Variants in CIB1 observed in about 807,000 individuals in gnomAD.
CIB1 encodes the protein calcium and integrin binding 1.
In CIB1, 19 loss-of-function variants were observed where a neutral mutation model predicts 25.0. The ratio of observed to expected loss-of-function variants is 0.76; its 90% CI spans 0.53 to 1.12. The LOEUF (loss-of-function observed/expected upper bound fraction) is 1.12, where lower values mean the gene tolerates loss of function less well. Ranked by LOEUF, CIB1 falls within the 50% of genes most tolerant of loss-of-function variation. CIB1 has a pLI of 0.00. For missense variants in CIB1, 236 were observed against 242.6 expected, an observed-to-expected ratio of 0.97 and a Z score of 0.18; for synonymous variants, 104 against 98.5, an observed-to-expected ratio of 1.06 and a Z score of -0.33.
At chr15:90,233,565 T>G (rs1962557315) in intron 2 of CIB1, 104 bp downstream of exon 2, 1 of 1,407,550 alleles carries the variant, frequency 7.1e-7, no homozygotes, top group South Asian at 1.2e-5. Flanking sequence ...CTCCCGCTCC[T>G]CTGCAGACCT....
chr15:90,263,934 G>T, the CIB1 span: 1 of 1,512,146 alleles, frequency 6.6e-7, no homozygotes, highest in South Asian at 1.2e-5. Context: ...ATGTTCCCCG[G>T]TACCATCTGC....
chr15:90,257,264 C>T, the CIB1 span: 17 of 1,612,292 alleles, frequency 1.1e-5, no homozygotes, highest in African/African-American at 1.3e-5. Context: ...CTATATGGAG[C>T]CCAGCCATAA....
At chr15:90,256,043 C>T in the CIB1 span, 1 of 1,553,730 alleles carries the variant, frequency 6.4e-7, no homozygotes, top group Non-Finnish European at 8.8e-7. Flanking sequence ...CTGAGTGCTC[C>T]AGGAAGAGCA....
chr15:90,247,222 C>A, the CIB1 span, among the ~76,000 whole-genome samples: 1 of 151,440 alleles, frequency 6.6e-6, no homozygotes, highest in Non-Finnish European at 1.5e-5. Context: ...GATCCACCTG[C>A]CTCAGCCTCC....
chr15:90,240,112 A>T, the CIB1 span, among the ~76,000 whole-genome samples: 8 of 145,022 alleles, frequency 5.5e-5, no homozygotes, highest in Non-Finnish European at 1.2e-4. Context: ...AATCCCAGCT[A>T]CTTGGGAGGC....
intron 6 of CIB1, 120 bp downstream of exon 6, chr15:90,230,814 G>T: frequency 2.1e-6 from 2 of 941,082 alleles, no homozygotes; most frequent in Non-Finnish European, 3.4e-6. Flanking sequence ...AGCCGGCCCT[G>T]TGTGTGGGGA....
chr15:90,262,398 G>GT, the CIB1 span: 1 of 1,318,920 alleles, frequency 7.6e-7, no homozygotes, highest in Non-Finnish European at 1.0e-6. Flanking sequence ...AGAACAGATT[G>GT]TAATTTCCTG....
the CIB1 span, chr15:90,258,875 C>T: frequency 3.3e-5 from 53 of 1,614,032 alleles, no homozygotes; most frequent in South Asian, 2.0e-4. Flanking sequence ...GGAGGATAAG[C>T]GGCGAGTCAA....
upstream of CIB1, chr15:90,234,044 A>C (rs1765457347): frequency 3.4e-5 from 29 of 851,136 alleles, no homozygotes; most frequent in East Asian, 8.8e-4. Flanking sequence ...AGGCGTTCCC[A>C]GCCGGGTTTG....
chr15:90,256,520 C>CTT, the CIB1 span, among the ~76,000 whole-genome samples: 1 of 152,178 alleles, frequency 6.6e-6, no homozygotes, highest in Non-Finnish European at 1.5e-5. Flanking sequence ...TTCTTACCCT[C>CTT]TCTCTGTGCC....
chr15:90,256,569 C>CT, the CIB1 span, among the ~76,000 whole-genome samples: 2 of 33,296 alleles, frequency 6.0e-5, no homozygotes, highest in African/African-American at 1.2e-4. Flanking sequence ...TTCTTTCTTT[C>CT]TTTCTTTCTT....
the CIB1 span, chr15:90,259,133 C>T: frequency 3.0e-5 from 37 of 1,224,812 alleles, no homozygotes; most frequent in Middle Eastern, 3.1e-4. Flanking sequence ...GAGGCTGAGG[C>T]AGGAGGATTG....
At position 90,230,338 on chromosome 15, in the gene CIB1, C is replaced by G. The variant is rs760298374; in HGVS notation, c.*146G>C. On this transcript the variant is annotated 3_prime_UTR_variant, in exon 7 of 7. Coordinates refer to ENST00000328649, the MANE Select transcript of CIB1 (RefSeq NM_006384.4). Reference sequence around the variant, plus strand: ...GAGGAGAGGCCCTGACAACGAGGGCCGCCCCTGCCCGGGGTGAGGCTGCAC... The same window carrying G: ...GAGGAGAGGCCCTGACAACGAGGGCGGCCCCTGCCCGGGGTGAGGCTGCAC... 156 of 848,724 alleles carry G rather than the reference C, an allele frequency of 1.8e-4. 2 individuals are homozygous for G. Among genetic ancestry groups the G allele is most frequent in the South Asian group, 1.8e-3 (111 of 62,410 alleles). The allele number at this position is 848,724 out of a possible 1,614,324, so 52.6% of individuals were successfully genotyped here. A position where few individuals can be genotyped will look rare whatever the true frequency, so the allele number is the denominator to read the frequency against.
At chr15:90,253,483 C>A in the CIB1 span, 7 of 574,792 alleles carry the variant, frequency 1.2e-5, no homozygotes, top group Non-Finnish European at 2.1e-5. Flanking sequence ...CTTGTGCAGA[C>A]AAGAAAGACC....
At chr15:90,234,986 G>C (rs1165439180), upstream of CIB1, among the ~76,000 whole-genome samples, 2 of 152,180 alleles carry the variant, frequency 1.3e-5, no homozygotes, top group African/African-American at 4.8e-5. Context: ...TATACTTGCT[G>C]ATCTTTGTAA....
chr15:90,233,519 G>T, intron 2 of CIB1, 150 bp downstream of exon 2: 1 of 1,005,906 alleles, frequency 9.9e-7, no homozygotes. Flanking sequence ...GTGCCGGGAG[G>T]AGGGCGCAGC....
chr15:90,250,475 A>T, the CIB1 span: 2 of 834,552 alleles, frequency 2.4e-6, no homozygotes, highest in Non-Finnish European at 3.7e-6. Flanking sequence ...CCCATTCCTC[A>T]GTGAAACAGT....
the CIB1 span, chr15:90,255,886 G>C: frequency 6.2e-7 from 1 of 1,614,222 alleles, no homozygotes. Context: ...TCCCCGCAGA[G>C]TGAGTGGGTC....
At chr15:90,247,775 G>A in the CIB1 span, among the ~76,000 whole-genome samples, 6 of 150,178 alleles carry the variant, frequency 4.0e-5, no homozygotes, top group Non-Finnish European at 5.9e-5. Context: ...TCCCTCTGTC[G>A]CCCAGGCTGG....
Sources: gnomAD v4.1 joint callset for allele counts (sites outside exome capture counted in the v4.1 genomes callset) on GRCh38, gnomAD v4.1.1 for gene constraint, MANE v1.5 for transcripts, NCBI Gene and HGNC (gene_info 2026-07-23, HGNC 2026-07-21) for gene names.